GRIN2B: variants seen among roughly 807,000 people sequenced by gnomAD.
The protein encoded by GRIN2B is glutamate receptor ionotropic, NMDA 2B.
A neutral mutation model predicts 114.5 loss-of-function variants in GRIN2B; 5 were observed. The ratio of observed to expected loss-of-function variants is 0.04; its 90% CI spans 0.02 to 0.09. The LOEUF is 0.09. Ranked by LOEUF, GRIN2B falls within the 10% of genes least tolerant of loss-of-function variation. The probability of loss-of-function intolerance (pLI) is 1.00; values close to 1 mark genes in which losing one functional copy is unlikely to be tolerated. For synonymous variants in GRIN2B, 787 were observed against 745.1 expected (o/e 1.06, Z -0.92); for missense variants, 1,108 against 1,943.5 (o/e 0.57, Z 8.08).
intron 10 of GRIN2B, among the ~76,000 whole-genome samples, chr12:13,573,922 G>A (rs1487013367): frequency 6.6e-6 from 1 of 152,190 alleles, no homozygotes; most frequent in Non-Finnish European, 1.5e-5. Context: ...ACTACTTCCT[G>A]ACTGAGAAAG....
At chr12:13,812,351 C>T (rs143500063) in intron 3 of GRIN2B, among the ~76,000 whole-genome samples, 1,669 of 152,280 alleles carry the variant, frequency 0.011, 26 homozygotes, top group African/African-American at 0.038. Context: ...GCCACCACAC[C>T]CAGCCCTGAA....
chr12:13,762,197 G>A (rs1863692588), intron 3 of GRIN2B, among the ~76,000 whole-genome samples: 1 of 152,070 alleles, frequency 6.6e-6, no homozygotes, highest in Non-Finnish European at 1.5e-5. Context: ...TAAAGACGGG[G>A]TTTCATCGTG....
At chr12:13,839,513 G>C (rs760367602) in intron 3 of GRIN2B, among the ~76,000 whole-genome samples, 1 of 152,186 alleles carries the variant, frequency 6.6e-6, no homozygotes. Context: ...TGATTGTGCA[G>C]TGCTTATAGC....
At chr12:13,781,195 A>G (rs1161740943) in intron 3 of GRIN2B, among the ~76,000 whole-genome samples, 1 of 152,242 alleles carries the variant, frequency 6.6e-6, no homozygotes. Context: ...CAGATGGTAG[A>G]AAGAATAATG....
At chr12:13,664,105 T>C (rs2136529497) in intron 5 of GRIN2B, among the ~76,000 whole-genome samples, 1 of 152,272 alleles carries the variant, frequency 6.6e-6, no homozygotes, top group East Asian at 1.9e-4. Flanking sequence ...CAAAATATGG[T>C]TTCTCTTGGT....
chr12:13,566,941 T>G lies in GRIN2B; in HGVS notation c.2598+84A>C, dbSNP rs200310208. On this transcript the variant is annotated intron_variant, in intron 13 of 13. Transcript: ENST00000609686. ...TTGAGCAACATGGGGGTGGAGATAG[T>G]GTCCTCTTGGTTCTCTCTGCTTTGC... 7.3e-4 allele frequency: 663 copies of G among 904,546 alleles called. 6 individuals carry two copies. Among genetic ancestry groups the G allele is most frequent in the Admixed American group, 4.9e-4 (29 of 59,056 alleles). The allele number at this position is 904,546 out of a possible 1,614,324, so 56.0% of individuals were successfully genotyped here.
chr12:13,933,444 T>C (rs1234681395), intron 2 of GRIN2B, among the ~76,000 whole-genome samples: 1 of 152,196 alleles, frequency 6.6e-6, no homozygotes, highest in Non-Finnish European at 1.5e-5. Context: ...TAATAAGCCA[T>C]TGAATCACCA....
At chr12:13,648,578 A>G (rs2136514270) in intron 5 of GRIN2B, among the ~76,000 whole-genome samples, 1 of 152,076 alleles carries the variant, frequency 6.6e-6, no homozygotes, top group Non-Finnish European at 1.5e-5. Context: ...CCACAGAGAA[A>G]GCAGTTTCTC....
intron 5 of GRIN2B, among the ~76,000 whole-genome samples, chr12:13,648,547 A>T (rs2136514232): frequency 6.6e-6 from 1 of 152,094 alleles, no homozygotes; most frequent in Admixed American, 6.6e-5. Context: ...AAGTCCTAGG[A>T]TTTAAAATTT....
intron 2 of GRIN2B, among the ~76,000 whole-genome samples, chr12:13,945,524 C>T (rs1464705432): frequency 2.0e-5 from 3 of 152,140 alleles, no homozygotes; most frequent in Non-Finnish European, 4.4e-5. Context: ...GTGATAAGTT[C>T]CTGTGAATAC....
chr12:13,800,274 T>C (rs751247912), intron 3 of GRIN2B, among the ~76,000 whole-genome samples: 1 of 152,284 alleles, frequency 6.6e-6, no homozygotes, highest in Middle Eastern at 3.4e-3. Flanking sequence ...TAGTGTTTCT[T>C]AGCCTCTACT....
At chr12:13,978,127 C>T (rs1863059805) in intron 2 of GRIN2B, among the ~76,000 whole-genome samples, 1 of 152,224 alleles carries the variant, frequency 6.6e-6, no homozygotes, top group Admixed American at 6.5e-5. Context: ...GCAAAAGGGG[C>T]CCTGTGCCCC....
chr12:13,848,365 C>T (rs1468912706), intron 3 of GRIN2B, among the ~76,000 whole-genome samples: 1 of 151,972 alleles, frequency 6.6e-6, no homozygotes. Context: ...GGAGGACAGA[C>T]CCAGGACTGA....
chr12:13,735,605 G>A (rs1301814272), intron 4 of GRIN2B, among the ~76,000 whole-genome samples: 1 of 152,170 alleles, frequency 6.6e-6, no homozygotes, highest in Non-Finnish European at 1.5e-5. Flanking sequence ...TGCTTTTTCA[G>A]CAGAATCTCA....
rs1335477673 is a variant in GRIN2B at position 13,560,872 on chromosome 12, A to G, written c.*1911T>C. 1 of 152,314 alleles carries G rather than the reference A, an allele frequency of 6.6e-6. No individual in the cohort carries two copies. Among genetic ancestry groups the G allele is most frequent in the Non-Finnish European group, 1.5e-5 (1 of 68,092 alleles). 9.4% of individuals were successfully genotyped at this position (152,314 alleles called of 1,614,324 possible). On this transcript the variant is annotated 3_prime_UTR_variant, in exon 14 of 14. Coordinates refer to ENST00000609686, the MANE Select transcript of GRIN2B (RefSeq NM_000834.5). ...TCACGAGTGAGGGCAAACAGGGGCGAAGAGCAGCCCTGGAGGGAGTGACTT... is the reference window on the plus strand; with the variant it reads ...TCACGAGTGAGGGCAAACAGGGGCGGAGAGCAGCCCTGGAGGGAGTGACTT...
chr12:13,906,820 T>A (rs1412032293), intron 2 of GRIN2B, among the ~76,000 whole-genome samples: 1 of 152,208 alleles, frequency 6.6e-6, no homozygotes, highest in Non-Finnish European at 1.5e-5. Flanking sequence ...TAATTTGAAA[T>A]TTTAGTATTT....
chr12:13,932,972 T>TGTGTGTGTGTGTGTGTGTGTGCGTGTGC (rs1565591597), intron 2 of GRIN2B, among the ~76,000 whole-genome samples: 1 of 143,046 alleles, frequency 7.0e-6, no homozygotes, highest in African/African-American at 2.7e-5. Context: ...TGTGTGTGTG[T>TGTGTGTGTGTGTGTGTGTGTGCGTGTGC]GTGTGTGTGT....
intron 3 of GRIN2B, among the ~76,000 whole-genome samples, chr12:13,803,999 A>T (rs1864559270): frequency 6.6e-6 from 1 of 152,176 alleles, no homozygotes; most frequent in African/African-American, 2.4e-5. Flanking sequence ...CCACTTCACT[A>T]AGTACTTTAT....
chr12:13,587,274 G>A (rs984103100), intron 10 of GRIN2B, among the ~76,000 whole-genome samples: 53 of 151,040 alleles, frequency 3.5e-4, no homozygotes, highest in Admixed American at 1.1e-3. Context: ...TATACCACTC[G>A]TAAGCATCTT....
Sources: gnomAD v4.1 joint callset for allele counts (sites outside exome capture counted in the v4.1 genomes callset) on GRCh38, gnomAD v4.1.1 for gene constraint, MANE v1.5 for transcripts, NCBI Gene and HGNC (gene_info 2026-07-23, HGNC 2026-07-21) for gene names.